GLTP: variants seen among roughly 807,000 people sequenced by gnomAD.
GLTP encodes glycolipid transfer protein.
GLTP carries 22 observed loss-of-function variants against 24.0 expected under a neutral mutation model. The ratio of observed to expected loss-of-function variants is 0.92; its 90% confidence interval spans 0.65 to 1.31. GLTP has a LOEUF of 1.31. Ranked by LOEUF, GLTP falls within the 50% of genes most tolerant of loss-of-function variation. The pLI is 0.00. For missense variants in GLTP, 224 were observed against 276.6 expected, an observed-to-expected ratio of 0.81 and a Z score of 1.35; for synonymous variants, 92 against 115.9, an observed-to-expected ratio of 0.79 and a Z score of 1.33.
intron 1 of GLTP, among the ~76,000 whole-genome samples, chr12:109,871,800 C>T (rs766859662): frequency 4.6e-5 from 7 of 152,248 alleles, no homozygotes; most frequent in Non-Finnish European, 7.3e-5. Context: ...TCATGAATTC[C>T]TCCCATTCCT....
intron 1 of GLTP, among the ~76,000 whole-genome samples, chr12:109,871,254 T>G (rs1868713178): frequency 6.6e-6 from 1 of 151,914 alleles, no homozygotes; most frequent in Non-Finnish European, 1.5e-5. Context: ...GGCCAATTTT[T>G]TTTTGTATTT....
At chr12:109,877,895 G>A (rs970012489) in intron 1 of GLTP, among the ~76,000 whole-genome samples, 7 of 152,188 alleles carry the variant, frequency 4.6e-5, no homozygotes, top group Non-Finnish European at 8.8e-5. Context: ...CCCCACAGAA[G>A]AGAATAATGG....
chr12:109,879,161 C>G (rs1261109477), intron 1 of GLTP, among the ~76,000 whole-genome samples: 1 of 152,194 alleles, frequency 6.6e-6, no homozygotes, highest in Non-Finnish European at 1.5e-5. Flanking sequence ...CCACCCCTAA[C>G]AAGCCTTCTT....
intron 1 of GLTP, among the ~76,000 whole-genome samples, chr12:109,876,940 C>T (rs1212435923): frequency 1.3e-5 from 2 of 152,146 alleles, no homozygotes; most frequent in African/African-American, 4.8e-5. Flanking sequence ...GCAACTTAGG[C>T]GTCCCAAGCT....
chr12:109,871,687 A>G (rs1019134572), intron 1 of GLTP, among the ~76,000 whole-genome samples: 1 of 152,234 alleles, frequency 6.6e-6, no homozygotes, highest in Non-Finnish European at 1.5e-5. Context: ...AGGATTAGAA[A>G]TGAGTTACTG....
intron 1 of GLTP, among the ~76,000 whole-genome samples, chr12:109,869,317 A>AAG (rs1834045373): frequency 1.5e-5 from 2 of 136,754 alleles, no homozygotes; most frequent in African/African-American, 5.5e-5. Context: ...AAAAAAAAAA[A>AAG]AAAGAAAGAA....
At chr12:109,870,299 C>G (rs1169267857) in intron 1 of GLTP, among the ~76,000 whole-genome samples, 2 of 151,922 alleles carry the variant, frequency 1.3e-5, no homozygotes, top group East Asian at 3.9e-4. Context: ...AACCCCATCT[C>G]TACTAAAAAT....
At chr12:109,862,561 A>T (rs111753690) in intron 1 of GLTP, among the ~76,000 whole-genome samples, 6 of 152,286 alleles carry the variant, frequency 3.9e-5, no homozygotes, top group African/African-American at 1.4e-4. Flanking sequence ...CCTCAGCTCC[A>T]GCTGACGGCT....
At chr12:109,862,202 G>A (rs1469690230) in intron 1 of GLTP, among the ~76,000 whole-genome samples, 2 of 152,126 alleles carry the variant, frequency 1.3e-5, no homozygotes, top group African/African-American at 4.8e-5. Context: ...AGGGTGCTCT[G>A]GTCTCCCAGA....
At position 109,857,208 on chromosome 12, in the gene GLTP, G is replaced by A. The variant is rs902594032; in HGVS notation, c.296+318C>T. 5.3e-5 allele frequency among the ~76,000 whole-genome samples: 8 copies of A among 152,144 alleles called. No homozygotes were observed. Among genetic ancestry groups the A allele is most frequent in the African/African-American group, 7.2e-5 (3 of 41,428 alleles). On this transcript the variant is annotated intron_variant, in intron 3 of 4. Transcript: ENST00000318348. This position sits in a 1 kb window ranked among gnomAD's most constrained non-coding sequence, Gnocchi z 4.3. The stretch of plus-strand genomic sequence containing the variant: ...GGCACGTGATTTGGCCTCCAGAAGC[G>A]CCAGCTGCCTCCTCTGTGAGATGCG...
intron 1 of GLTP, among the ~76,000 whole-genome samples, chr12:109,871,668 T>C (rs887247186): frequency 6.6e-6 from 1 of 152,210 alleles, no homozygotes; most frequent in Admixed American, 6.5e-5. Context: ...TCCTCCTAAG[T>C]TCATCATGAG....
At position 109,855,232 on chromosome 12, in the gene GLTP, G is replaced by A. The variant is rs1425529602; in HGVS notation, c.447+387C>T. Reference sequence around the variant, plus strand: ...GTCCTTTCAGCAGATGCTCCCAGGGGAATGGGAGCTGAATTTGAGGGGTCG... The same window carrying A: ...GTCCTTTCAGCAGATGCTCCCAGGGAAATGGGAGCTGAATTTGAGGGGTCG... On this transcript the variant is annotated intron_variant, in intron 4 of 4. Coordinates refer to ENST00000318348, the MANE Select transcript of GLTP (RefSeq NM_016433.4). The surrounding 1 kb of genome is among the most constrained non-coding windows in gnomAD (Gnocchi z 4.1). 1.3e-4 allele frequency among the ~76,000 whole-genome samples: 20 copies of A among 152,196 alleles called. No homozygotes were observed.
In GLTP at chr12:109,865,349, G is replaced by A. The variant is rs911594618; in HGVS notation, c.104-6608C>T. ...TTTTTAATAGAGACAGGGTCAGGCCGAGCATGGTGGCTCACGCCTGTAATC... is the reference window on the plus strand; with the variant it reads ...TTTTTAATAGAGACAGGGTCAGGCCAAGCATGGTGGCTCACGCCTGTAATC... On this transcript the variant is annotated intron_variant, in intron 1 of 4. Transcript: ENST00000318348. 1.3e-4 allele frequency among the ~76,000 whole-genome samples: 20 copies of A among 152,170 alleles called. No individual in the cohort carries two copies. The East Asian group carries it at 2.7e-3, about 21-fold the overall frequency.
At position 109,852,175 on chromosome 12, in the gene GLTP, T is replaced by C. The variant is rs1489507964; in HGVS notation, c.*380A>G. On this transcript the variant is annotated 3_prime_UTR_variant, in exon 5 of 5. Transcript: ENST00000318348. ...TCATGTGCTTATTTTTAAAGCGAGG[T>C]GGATGACACCATTCCCCCAGAGCTG... The C allele has an allele frequency of 3.8e-5, 6 of 158,898 alleles. No homozygotes were observed. The Admixed American group carries it at 3.8e-4, about 10-fold the overall frequency. 9.8% of individuals were successfully genotyped at this position (158,898 alleles called of 1,614,324 possible).
chr12:109,853,463 G>A (rs1240614638), intron 4 of GLTP, among the ~76,000 whole-genome samples: 1 of 151,886 alleles, frequency 6.6e-6, no homozygotes, highest in Non-Finnish European at 1.5e-5. Flanking sequence ...GGCCGAGGTG[G>A]GCAGATCACA....
chr12:109,855,593 C>T lies in GLTP; in HGVS notation c.447+26G>A, dbSNP rs763195259. 7.8e-6 allele frequency: 12 copies of T among 1,528,890 alleles called. No individual in the cohort carries two copies. Among genetic ancestry groups the T allele is most frequent in the South Asian group, 6.3e-5 (5 of 79,192 alleles). The allele number at this position is 1,528,890 out of a possible 1,614,324, so 94.7% of individuals were successfully genotyped here. On this transcript the variant is annotated intron_variant, in intron 4 of 4. Coordinates refer to ENST00000318348, the MANE Select transcript of GLTP (RefSeq NM_016433.4). The surrounding 1 kb of genome is among the most constrained non-coding windows in gnomAD (Gnocchi z 4.1). Reference sequence around the variant, plus strand: ...GAGCAGAATCTGCAAGCTGGTGGTCCTTTGGGGCTCATGGGGGTGGCTCAC... The same window carrying T: ...GAGCAGAATCTGCAAGCTGGTGGTCTTTTGGGGCTCATGGGGGTGGCTCAC...
intron 1 of GLTP, among the ~76,000 whole-genome samples, chr12:109,861,843 T>C (rs1188466719): frequency 6.6e-6 from 1 of 152,170 alleles, no homozygotes; most frequent in Non-Finnish European, 1.5e-5. Context: ...CCTCATATCA[T>C]TACTAGGGTC....
In GLTP at chr12:109,855,893, T is replaced by C; in HGVS notation, c.297-124A>G. 1 of 679,356 alleles carries C rather than the reference T, an allele frequency of 1.5e-6. No homozygotes were observed. Among genetic ancestry groups the C allele is most frequent in the South Asian group, 2.6e-5 (1 of 38,658 alleles). 42.1% of individuals were successfully genotyped at this position (679,356 alleles called of 1,614,324 possible). On this transcript the variant is annotated intron_variant, in intron 3 of 4. Coordinates refer to ENST00000318348, the MANE Select transcript of GLTP (RefSeq NM_016433.4). This position sits in a 1 kb window ranked among gnomAD's most constrained non-coding sequence, Gnocchi z 4.1. ...ACATGGGCGCCCCAGAGGGAGTGGT[T>C]ATTCCCTAATCATCTTTCCCTTCTG...
At chr12:109,875,957 T>C (rs1245124445) in intron 1 of GLTP, among the ~76,000 whole-genome samples, 2 of 152,222 alleles carry the variant, frequency 1.3e-5, no homozygotes, top group Admixed American at 6.5e-5. Flanking sequence ...TATAAGGATG[T>C]TCACTGCAGC....
Sources: allele counts gnomAD v4.1 joint callset (sites outside exome capture counted in the v4.1 genomes callset), GRCh38; gene constraint gnomAD v4.1.1; non-coding constraint Gnocchi (gnomAD v3.1); transcripts MANE v1.5; gene names NCBI Gene and HGNC (gene_info 2026-07-23, HGNC 2026-07-21).